Variants in MACROD1 observed in about 807,000 individuals in gnomAD.
MACROD1 encodes mono-ADP ribosylhydrolase 1.
In MACROD1, 31 loss-of-function variants were observed where a neutral mutation model predicts 41.4. The observed-to-expected ratio is 0.75, with a 90% CI of 0.56 to 1.01. The LOEUF (loss-of-function observed/expected upper bound fraction) is 1.01. MACROD1 is among the 50% of genes least tolerant of loss of function. The pLI is 0.00. For missense variants in MACROD1, 473 were observed against 460.0 expected, an observed-to-expected ratio of 1.03 and a Z score of -0.26; for synonymous variants, 252 against 203.4, an observed-to-expected ratio of 1.24 and a Z score of -2.03.
intron 4 of MACROD1, 65 bp downstream of exon 4, chr11:64,015,187 G>A: frequency 1.3e-6 from 2 of 1,494,248 alleles, no homozygotes; most frequent in African/African-American, 1.4e-5. Context: ...GAGGGGCAGG[G>A]GAGGAGCAGA....
intron 3 of MACROD1, among the ~76,000 whole-genome samples, chr11:64,069,352 A>G (rs1931265910): frequency 2.6e-5 from 4 of 152,154 alleles, no homozygotes; most frequent in Admixed American, 1.3e-4. Context: ...GGAGGCTGCC[A>G]GAGGATGGGG....
intron 3 of MACROD1, among the ~76,000 whole-genome samples, chr11:64,025,712 C>CCCT (rs1943215299): frequency 6.8e-6 from 1 of 146,614 alleles, no homozygotes; most frequent in South Asian, 2.2e-4. Context: ...TCATGGGCCC[C>CCCT]CCCCGCTCCT....
Position 63,999,628 on chromosome 11 carries a change from G to A in MACROD1, c.786+14C>T. 6.2e-7 allele frequency: 1 copy of A among 1,609,566 alleles called. No individual in the cohort carries two copies. The highest frequency in any genetic ancestry group is 8.5e-7 in the Non-Finnish European group (1 of 1,178,870). On this transcript the variant is annotated intron_variant, in intron 6 of 10. Transcript: ENST00000255681. ...CGCCCCGCCTCCCGCCCTCCCCCGCGGGCCGTCCCTCACCACCGAGCGGAG... is the reference window on the plus strand; with the variant it reads ...CGCCCCGCCTCCCGCCCTCCCCCGCAGGCCGTCCCTCACCACCGAGCGGAG...
chr11:64,141,807 G>C (rs1480291798), intron 3 of MACROD1, among the ~76,000 whole-genome samples: 1 of 152,140 alleles, frequency 6.6e-6, no homozygotes, highest in Non-Finnish European at 1.5e-5. Context: ...CACCCCATGT[G>C]GGGGCAGCAG....
At chr11:64,104,098 C>G (rs1032654539) in intron 3 of MACROD1, 1 of 152,286 alleles carries the variant, frequency 6.6e-6, no homozygotes, top group East Asian at 1.9e-4. Flanking sequence ...TGTCCTGAGT[C>G]GCGGCTTCGT....
chr11:64,064,361 A>G lies in MACROD1; in HGVS notation c.518-49080T>C, dbSNP rs1219773182. Among the ~76,000 whole-genome samples the G allele has an allele frequency of 6.6e-6, 1 of 152,088 alleles. No individual in the cohort carries two copies. Among genetic ancestry groups the G allele is most frequent in the Non-Finnish European group, 1.5e-5 (1 of 67,988 alleles). ...GGGCCTGCCTGTCCAGGTAGATCCT[A>G]TGGGGCCACAGGCATTGGATGGAGG... On this transcript the variant is annotated intron_variant, in intron 3 of 10. Coordinates refer to ENST00000255681, the MANE Select transcript of MACROD1 (RefSeq NM_014067.4). The surrounding 1 kb of genome is among the most constrained non-coding windows in gnomAD (Gnocchi z 4.5).
At position 64,051,714 on chromosome 11, in the gene MACROD1, C is replaced by T. The variant is rs193285252; in HGVS notation, c.518-36433G>A. On this transcript the variant is annotated intron_variant, in intron 3 of 10. Coordinates refer to ENST00000255681, the MANE Select transcript of MACROD1 (RefSeq NM_014067.4). Reference sequence around the variant, plus strand: ...GGCAGGGGCCGAGGTTGGTGAGCTCCTCCCTGAACAGTGGTTTGGCCAGAT... The same window carrying T: ...GGCAGGGGCCGAGGTTGGTGAGCTCTTCCCTGAACAGTGGTTTGGCCAGAT... Among the ~76,000 whole-genome samples, 3 of 152,292 alleles carry T rather than the reference C, an allele frequency of 2.0e-5. 1 individual carries two copies. The East Asian group carries it at 5.8e-4, about 29-fold the overall frequency.
intron 3 of MACROD1, among the ~76,000 whole-genome samples, chr11:64,136,442 G>A (rs1217450306): frequency 6.6e-6 from 1 of 152,226 alleles, no homozygotes; most frequent in Non-Finnish European, 1.5e-5. Context: ...TTCTGGGCTG[G>A]GAGAGCTGCT....
chr11:63,999,137 G>C (rs1942770546), intron 8 of MACROD1, 101 bp from the exon 9 acceptor site: 1 of 1,346,096 alleles, frequency 7.4e-7, no homozygotes, highest in Admixed American at 2.2e-5. Context: ...CTGGCCCTGC[G>C]CCCTTCACGG....
At chr11:64,063,747 G>A (rs750480226) in intron 3 of MACROD1, among the ~76,000 whole-genome samples, 2 of 152,148 alleles carry the variant, frequency 1.3e-5, no homozygotes, top group Non-Finnish European at 2.9e-5. Flanking sequence ...GCAGCCACGC[G>A]GTCCTCGCCC....
chr11:64,095,412 A>G (rs1265378085), intron 3 of MACROD1, among the ~76,000 whole-genome samples: 1 of 152,188 alleles, frequency 6.6e-6, no homozygotes, highest in African/African-American at 2.4e-5. Context: ...CAGAGAGAGC[A>G]TGTTTATGGG....
intron 3 of MACROD1, among the ~76,000 whole-genome samples, chr11:64,136,690 G>T (rs1046027255): frequency 6.6e-6 from 1 of 152,226 alleles, no homozygotes; most frequent in South Asian, 2.1e-4. Context: ...TGAGGGACCC[G>T]GGTGGCTTCC....
At chr11:64,149,122 A>T in intron 3 of MACROD1, 5 of 657,788 alleles carry the variant, frequency 7.6e-6, no homozygotes, top group Non-Finnish European at 9.4e-6. Flanking sequence ...GATCATTTGC[A>T]GGAGGTACCA....
In MACROD1 at chr11:64,046,574, G is replaced by A. The variant is rs144296638; in HGVS notation, c.518-31293C>T. Reference sequence around the variant, plus strand: ...CCCGTTCTTTTTTTCTTTTTGAGACGGAGTTTTGTTCTCGTCGCTCAGGCT... The same window carrying A: ...CCCGTTCTTTTTTTCTTTTTGAGACAGAGTTTTGTTCTCGTCGCTCAGGCT... On this transcript the variant is annotated intron_variant, in intron 3 of 10. Coordinates refer to ENST00000255681, the MANE Select transcript of MACROD1 (RefSeq NM_014067.4). Among the ~76,000 whole-genome samples the A allele has an allele frequency of 8.5e-5, 13 of 152,160 alleles. No individual in the cohort carries two copies. In the East Asian group the frequency reaches 2.5e-3, roughly 29 times the overall value.
rs1013161957 is a variant in MACROD1, at chr11:64,064,243, G to T, written c.518-48962C>A. Reference sequence around the variant, plus strand: ...AAAAATCCCAAACTGCACAGCCTAGGGTTGGGGACAAAAAGCAACCAAGCC... The same window carrying T: ...AAAAATCCCAAACTGCACAGCCTAGTGTTGGGGACAAAAAGCAACCAAGCC... On this transcript the variant is annotated intron_variant, in intron 3 of 10. Transcript: ENST00000255681. This position sits in a 1 kb window ranked among gnomAD's most constrained non-coding sequence, Gnocchi z 4.5. Among the ~76,000 whole-genome samples, 1 of 152,202 alleles carries T rather than the reference G, an allele frequency of 6.6e-6. No homozygotes were observed. The highest frequency in any genetic ancestry group is 1.5e-5 in the Non-Finnish European group (1 of 68,038).
At chr11:64,142,811 G>C (rs1300869840) in intron 3 of MACROD1, among the ~76,000 whole-genome samples, 2 of 152,014 alleles carry the variant, frequency 1.3e-5, no homozygotes, top group African/African-American at 4.8e-5. Flanking sequence ...GACCCAGAGG[G>C]AGCTGGTGAA....
chr11:64,149,316 C>T (rs1945541226), intron 3 of MACROD1, among the ~76,000 whole-genome samples: 1 of 152,160 alleles, frequency 6.6e-6, no homozygotes, highest in Non-Finnish European at 1.5e-5. Flanking sequence ...TCACCACCCT[C>T]ATTTTGCAGA....
chr11:64,049,318 GA>G (rs1472252227), intron 3 of MACROD1, among the ~76,000 whole-genome samples: 1 of 152,214 alleles, frequency 6.6e-6, no homozygotes, highest in African/African-American at 2.4e-5. Flanking sequence ...CTTGGGGATT[GA>G]ACAGGGTCCT....
chr11:63,999,202 G>C, intron 8 of MACROD1, 129 bp downstream of exon 8: 1 of 1,384,998 alleles, frequency 7.2e-7, no homozygotes, highest in Non-Finnish European at 9.8e-7. Flanking sequence ...GCGCCCTTGC[G>C]CAGGAGAAAC....
Sources: allele counts gnomAD v4.1 joint callset (sites outside exome capture counted in the v4.1 genomes callset), GRCh38; gene constraint gnomAD v4.1.1; non-coding constraint Gnocchi (gnomAD v3.1); transcripts MANE v1.5; gene names NCBI Gene and HGNC (gene_info 2026-07-23, HGNC 2026-07-21).